Variants in TTC39C observed in about 807,000 individuals in gnomAD.
TTC39C encodes the protein tetratricopeptide repeat protein 39C.
In TTC39C, 33 loss-of-function variants were observed where a neutral mutation model predicts 76.3. The observed-to-expected ratio is 0.43, with a 90% CI of 0.33 to 0.58. TTC39C has a LOEUF of 0.58. Among genes scored for constraint, TTC39C ranks in the 20% least tolerant of loss-of-function variants. TTC39C has a pLI of 0.04. For missense variants in TTC39C, 595 were observed against 701.4 expected, an observed-to-expected ratio of 0.85 and a Z score of 1.71; for synonymous variants, 254 against 260.6, an observed-to-expected ratio of 0.97 and a Z score of 0.24.
chr18:24,072,993 G>A (rs745939557), intron 4 of TTC39C, among the ~76,000 whole-genome samples: 5 of 152,180 alleles, frequency 3.3e-5, no homozygotes, highest in Non-Finnish European at 7.3e-5. Flanking sequence ...CCTGAGCCAT[G>A]GTTTTCTCAT....
At chr18:24,039,094 G>A (rs2083762771) in intron 1 of TTC39C, among the ~76,000 whole-genome samples, 1 of 152,200 alleles carries the variant, frequency 6.6e-6, no homozygotes, top group Non-Finnish European at 1.5e-5. Context: ...AACTGTGCTG[G>A]CATCCTCATT....
chr18:24,078,302 TAATA>T (rs1263201884), intron 4 of TTC39C, among the ~76,000 whole-genome samples: 3 of 152,194 alleles, frequency 2.0e-5, no homozygotes, highest in Admixed American at 2.0e-4. Flanking sequence ...TTAAGTAAAA[TAATA>T]GCTTGATACC....
intron 6 of TTC39C, among the ~76,000 whole-genome samples, chr18:24,105,769 G>A (rs536123555): frequency 2.1e-4 from 32 of 152,288 alleles, no homozygotes; most frequent in Admixed American, 4.6e-4. Flanking sequence ...CGTTTCCCAC[G>A]GCTGCCATAA....
chr18:24,040,282 G>A (rs561921176), intron 1 of TTC39C, among the ~76,000 whole-genome samples: 45 of 152,312 alleles, frequency 3.0e-4, no homozygotes, highest in Admixed American at 8.5e-4. Context: ...ACTTTCTTGC[G>A]TAAGCCGCAT....
intron 4 of TTC39C, among the ~76,000 whole-genome samples, chr18:24,071,539 C>A (rs984484393): frequency 7.9e-5 from 12 of 152,094 alleles, no homozygotes; most frequent in African/African-American, 2.9e-4. Flanking sequence ...TAATTTTTTG[C>A]AAAATTGAAT....
chr18:24,072,373 A>G (rs1045300423), intron 4 of TTC39C, among the ~76,000 whole-genome samples: 8 of 151,724 alleles, frequency 5.3e-5, no homozygotes, highest in Admixed American at 3.9e-4. Context: ...GGCTCACAGC[A>G]CAACCACTGC....
intron 6 of TTC39C, among the ~76,000 whole-genome samples, chr18:24,107,893 G>GGC (rs879869347): frequency 1.4e-4 from 20 of 145,444 alleles, no homozygotes; most frequent in Non-Finnish European, 2.7e-4. Flanking sequence ...CAAGTAGGGG[G>GGC]GGGGGTACAG....
intron 6 of TTC39C, among the ~76,000 whole-genome samples, chr18:24,090,153 G>C (rs2084499091): frequency 6.6e-6 from 1 of 152,086 alleles, no homozygotes; most frequent in Admixed American, 6.6e-5. Context: ...GGGAAATTGT[G>C]GCTGGGATAT....
At chr18:24,118,546 G>T (rs1050675382) in intron 8 of TTC39C, among the ~76,000 whole-genome samples, 10 of 152,120 alleles carry the variant, frequency 6.6e-5, no homozygotes, top group African/African-American at 7.2e-5. Context: ...TGTATATTTT[G>T]CCCTAAGTTG....
intron 2 of TTC39C, among the ~76,000 whole-genome samples, chr18:24,065,599 G>A (rs2084156109): frequency 6.6e-6 from 1 of 152,208 alleles, no homozygotes; most frequent in African/African-American, 2.4e-5. Flanking sequence ...CCTACAAGCT[G>A]TTGTTTCATT....
At chr18:24,111,981 C>T (rs2084820445) in intron 6 of TTC39C, among the ~76,000 whole-genome samples, 1 of 151,778 alleles carries the variant, frequency 6.6e-6, no homozygotes, top group Admixed American at 6.6e-5. Context: ...GGCTGTTCAT[C>T]ATAATTCCTC....
chr18:24,026,834 C>T (rs530367667), intron 1 of TTC39C, among the ~76,000 whole-genome samples: 54 of 152,190 alleles, frequency 3.5e-4, no homozygotes, highest in Admixed American at 2.0e-3. Flanking sequence ...GTTATCACTC[C>T]GTAAAATAAG....
chr18:24,087,602 T>TTTGTTTTTTTTTGG (rs1555774951), intron 6 of TTC39C, among the ~76,000 whole-genome samples: 1 of 151,472 alleles, frequency 6.6e-6, no homozygotes, highest in African/African-American at 2.4e-5. Context: ...TGTTTTTTTT[T>TTTGTTTTTTTTTGG]GAGACAGAGT....
Position 24,130,093 on chromosome 18 carries a change from C to T in TTC39C, c.1519-220C>T, listed in dbSNP as rs1418509769. Among the ~76,000 whole-genome samples the T allele has an allele frequency of 2.0e-5, 3 of 152,092 alleles. No individual in the cohort carries two copies. The East Asian group carries it at 5.8e-4, about 29-fold the overall frequency. On this transcript the variant is annotated intron_variant, in intron 11 of 13. Transcript: ENST00000317571. ...TATGTCCCCTGGAAAAATAGTAGCACAAATTAGGCAGTCCAATATATTCTG... is the reference window on the plus strand; with the variant it reads ...TATGTCCCCTGGAAAAATAGTAGCATAAATTAGGCAGTCCAATATATTCTG...
Position 24,125,526 on chromosome 18 carries a change from C to T in TTC39C, c.1396C>T (p.Pro466Ser). The T allele has an allele frequency of 6.2e-7, 1 of 1,614,112 alleles. No homozygotes were observed. The highest frequency in any genetic ancestry group is 8.5e-7 in the Non-Finnish European group (1 of 1,180,020). Residue 466 changes from proline to serine, a missense_variant, in exon 10 of 14, where the codon CCC (proline) becomes TCC (serine). Pro to Ser is a moderately conservative substitution (Grantham distance 74). Transcript: ENST00000317571. Reference sequence around the variant, plus strand: ...GAAAGCTCTTCCAAACTGTTCCTTCCCCAACCTGCAGAGGATGAGTCAAGG... The same window carrying T: ...GAAAGCTCTTCCAAACTGTTCCTTCTCCAACCTGCAGAGGATGAGTCAAGG... The part of the protein sequence containing the change: ...LWKALPNCSF[P>S]NLQRMSQACH...
At chr18:24,119,527 T>C (rs2084939084) in intron 8 of TTC39C, among the ~76,000 whole-genome samples, 1 of 152,160 alleles carries the variant, frequency 6.6e-6, no homozygotes, top group Admixed American at 6.5e-5. Flanking sequence ...TCTCTTAAAT[T>C]CCCTATAAAA....
At chr18:24,051,292 G>T (rs974279383) in intron 1 of TTC39C, among the ~76,000 whole-genome samples, 1 of 152,178 alleles carries the variant, frequency 6.6e-6, no homozygotes, top group Non-Finnish European at 1.5e-5. Flanking sequence ...ACCAGCCAGC[G>T]TATTACGAAG....
intron 1 of TTC39C, among the ~76,000 whole-genome samples, chr18:24,053,721 C>T (rs2083981515): frequency 6.6e-6 from 1 of 152,182 alleles, no homozygotes; most frequent in South Asian, 2.1e-4. Context: ...ACCACAAGTA[C>T]AGACTATGTG....
At chr18:24,020,490 T>C (rs12970323) in intron 1 of TTC39C, among the ~76,000 whole-genome samples, 1 of 152,208 alleles carries the variant, frequency 6.6e-6, no homozygotes, top group Non-Finnish European at 1.5e-5. Context: ...CATATGTAGT[T>C]ATCCCTCAGT....
Sources: gnomAD v4.1 joint callset for allele counts (sites outside exome capture counted in the v4.1 genomes callset) on GRCh38, gnomAD v4.1.1 for gene constraint, MANE v1.5 for transcripts, NCBI Gene and HGNC (gene_info 2026-07-23, HGNC 2026-07-21) for gene names.